NKAIN3: variants seen among roughly 807,000 people sequenced by gnomAD.
NKAIN3 encodes the protein sodium/potassium transporting ATPase interacting 3.
NKAIN3 carries 25 observed loss-of-function variants against 30.2 expected under a neutral mutation model. The observed-to-expected ratio is 0.83, with a 90% CI of 0.60 to 1.16. The LOEUF (loss-of-function observed/expected upper bound fraction) is 1.16, where lower values mean the gene tolerates loss of function less well. Ranked by LOEUF, NKAIN3 falls within the 50% of genes most tolerant of loss-of-function variation. The pLI is 0.00. For synonymous variants in NKAIN3, 91 were observed against 89.6 expected (o/e 1.02, Z -0.09); for missense variants, 225 against 254.1 (o/e 0.89, Z 0.78).
chr8:62,331,396 G>A (rs1815351937), intron 1 of NKAIN3, among the ~76,000 whole-genome samples: 1 of 151,952 alleles, frequency 6.6e-6, no homozygotes, highest in African/African-American at 2.4e-5. Context: ...TTCAATTTGT[G>A]ATTTGCATCC....
At chr8:62,347,256 T>C (rs1048978445) in intron 1 of NKAIN3, among the ~76,000 whole-genome samples, 2 of 152,150 alleles carry the variant, frequency 1.3e-5, no homozygotes, top group African/African-American at 4.8e-5. Flanking sequence ...TTGAATTTAT[T>C]CTATCCAAAG....
At chr8:62,693,009 A>C (rs1814031681) in intron 3 of NKAIN3, among the ~76,000 whole-genome samples, 1 of 152,198 alleles carries the variant, frequency 6.6e-6, no homozygotes, top group Non-Finnish European at 1.5e-5. Context: ...CCATTCAAAT[A>C]CACAAGTCAG....
At chr8:62,754,351 T>A (rs939609875) in intron 4 of NKAIN3, among the ~76,000 whole-genome samples, 1 of 126,524 alleles carries the variant, frequency 7.9e-6, no homozygotes, top group East Asian at 2.2e-4. Flanking sequence ...CATATGCTCA[T>A]GTTGATTAGT....
At chr8:62,917,017 G>T (rs573417331) in intron 4 of NKAIN3, among the ~76,000 whole-genome samples, 1 of 151,830 alleles carries the variant, frequency 6.6e-6, no homozygotes, top group African/African-American at 2.4e-5. Flanking sequence ...CCCCTACTTG[G>T]CTTCTATAGC....
At chr8:62,771,317 C>G (rs1184649765) in intron 4 of NKAIN3, among the ~76,000 whole-genome samples, 3 of 148,994 alleles carry the variant, frequency 2.0e-5, no homozygotes, top group South Asian at 2.2e-4. Flanking sequence ...AACAATGACT[C>G]AACAATAGAA....
intron 4 of NKAIN3, among the ~76,000 whole-genome samples, chr8:62,806,197 C>G (rs1818274439): frequency 6.6e-6 from 1 of 152,320 alleles, no homozygotes; most frequent in Non-Finnish European, 1.5e-5. Flanking sequence ...CACTTTTACA[C>G]TGTTGGTGGG....
At chr8:62,834,905 C>G (rs1819311409) in intron 4 of NKAIN3, among the ~76,000 whole-genome samples, 1 of 152,036 alleles carries the variant, frequency 6.6e-6, no homozygotes, top group Non-Finnish European at 1.5e-5. Context: ...AAGCCTGAAG[C>G]ATCACATTAC....
intron 3 of NKAIN3, among the ~76,000 whole-genome samples, chr8:62,706,113 C>T (rs189676552): frequency 6.6e-6 from 1 of 152,104 alleles, no homozygotes; most frequent in Admixed American, 6.5e-5. Flanking sequence ...TCAAATTACC[C>T]AGGAAAGACT....
chr8:62,748,328 A>G (rs1324644075), intron 4 of NKAIN3, among the ~76,000 whole-genome samples: 1 of 152,106 alleles, frequency 6.6e-6, no homozygotes, highest in Non-Finnish European at 1.5e-5. Flanking sequence ...GCACATGCAC[A>G]TGGCTTCTCT....
intron 1 of NKAIN3, among the ~76,000 whole-genome samples, chr8:62,547,657 G>C (rs77018777): frequency 0.032 from 4,895 of 152,268 alleles, 218 homozygotes; most frequent in African/African-American, 0.11. Context: ...CACCAGCTCA[G>C]TGATGGTCTT....
intron 4 of NKAIN3, among the ~76,000 whole-genome samples, chr8:62,762,053 C>G (rs770366269): frequency 6.6e-6 from 1 of 152,162 alleles, no homozygotes; most frequent in African/African-American, 2.4e-5. Flanking sequence ...TGGTAGCTCA[C>G]GCCTGTAATC....
chr8:62,813,458 G>C (rs1050415684), intron 4 of NKAIN3, among the ~76,000 whole-genome samples: 3 of 148,222 alleles, frequency 2.0e-5, no homozygotes, highest in Admixed American at 6.7e-5. Context: ...TTTCTTCATT[G>C]GTCAGTGAGC....
At chr8:62,635,398 T>C (rs956404067) in intron 3 of NKAIN3, among the ~76,000 whole-genome samples, 2 of 152,184 alleles carry the variant, frequency 1.3e-5, no homozygotes, top group African/African-American at 4.8e-5. Flanking sequence ...AGTCAAATCC[T>C]GTGCTTCTTA....
intron 3 of NKAIN3, among the ~76,000 whole-genome samples, chr8:62,652,309 T>A (rs1435425371): frequency 6.6e-6 from 1 of 152,152 alleles, no homozygotes; most frequent in African/African-American, 2.4e-5. Flanking sequence ...TCTCAATAAC[T>A]TTTGGCCTTT....
At chr8:62,450,470 C>G (rs2129598821) in intron 1 of NKAIN3, among the ~76,000 whole-genome samples, 2 of 152,210 alleles carry the variant, frequency 1.3e-5, no homozygotes, top group South Asian at 4.1e-4. Flanking sequence ...GCCACTTAAT[C>G]CAATATGATG....
intron 1 of NKAIN3, among the ~76,000 whole-genome samples, chr8:62,370,821 C>T (rs1486484255): frequency 1.3e-5 from 2 of 151,900 alleles, no homozygotes; most frequent in African/African-American, 4.8e-5. Flanking sequence ...GGAGCAGACC[C>T]AGAAGAAATG....
chr8:62,331,417 A>C (rs898065334), intron 1 of NKAIN3, among the ~76,000 whole-genome samples: 2 of 151,992 alleles, frequency 1.3e-5, no homozygotes, highest in Non-Finnish European at 2.9e-5. Flanking sequence ...AGTCTCTCCC[A>C]CAAGTTTCCA....
intron 3 of NKAIN3, among the ~76,000 whole-genome samples, chr8:62,714,814 C>T (rs188753745): frequency 7.9e-5 from 12 of 152,274 alleles, no homozygotes; most frequent in Middle Eastern, 3.4e-3. Context: ...TGCTAAAATA[C>T]GATGCTTGGA....
At chr8:62,292,442 A>C (rs1019129752) in intron 1 of NKAIN3, among the ~76,000 whole-genome samples, 4 of 151,982 alleles carry the variant, frequency 2.6e-5, no homozygotes, top group Non-Finnish European at 5.9e-5. Flanking sequence ...TGGTGACAAA[A>C]TCTCTCAGCT....
Sources: allele counts gnomAD v4.1 joint callset (sites outside exome capture counted in the v4.1 genomes callset), GRCh38; gene constraint gnomAD v4.1.1; transcripts MANE v1.5; gene names NCBI Gene and HGNC (gene_info 2026-07-23, HGNC 2026-07-21).